Variants in RIGI observed in about 807,000 individuals in gnomAD.
RIGI encodes the protein RNA sensor RIG-I, also known as antiviral innate immune response receptor RIG-I.
At chr9:32,485,251 G>T in the RIGI span, 1 of 1,602,352 alleles carries the variant, frequency 6.2e-7, no homozygotes, top group Non-Finnish European at 8.5e-7. Context: ...TAAATTTGTC[G>T]CTAATCCGTG....
the RIGI span, chr9:32,467,809 A>G: frequency 6.2e-7 from 1 of 1,609,468 alleles, no homozygotes; most frequent in Non-Finnish European, 8.5e-7. Context: ...CTCATAAAGG[A>G]TGACAAGATT....
chr9:32,464,453 G>A, the RIGI span, among the ~76,000 whole-genome samples: 7 of 151,980 alleles, frequency 4.6e-5, no homozygotes, highest in African/African-American at 1.2e-4. Context: ...GCAGTGGCGC[G>A]ATCTCGGCTC....
At chr9:32,524,361 G>C in the RIGI span, among the ~76,000 whole-genome samples, 1 of 152,032 alleles carries the variant, frequency 6.6e-6, no homozygotes, top group Non-Finnish European at 1.5e-5. Context: ...TGAAAAAATG[G>C]AATTCACACC....
At chr9:32,485,532 T>A in the RIGI span, 10 of 85,710 alleles carry the variant, frequency 1.2e-4, no homozygotes, top group East Asian at 5.7e-4. Flanking sequence ...AACTAGCTTC[T>A]TTTTTTTTTT....
the RIGI span, among the ~76,000 whole-genome samples, chr9:32,509,942 C>T: frequency 6.6e-6 from 1 of 151,682 alleles, no homozygotes. Context: ...GTGAAGCATA[C>T]ACAACTATCA....
At chr9:32,469,111 G>T in the RIGI span, among the ~76,000 whole-genome samples, 1 of 152,150 alleles carries the variant, frequency 6.6e-6, no homozygotes. Context: ...TAACAAGGAA[G>T]GAGCCTGGGT....
the RIGI span, chr9:32,481,225 G>T: frequency 4.7e-6 from 5 of 1,057,214 alleles, no homozygotes; most frequent in Non-Finnish European, 6.8e-6. Flanking sequence ...TTCTGGAAAG[G>T]TTCCTAAGTG....
chr9:32,513,758 C>A, the RIGI span, among the ~76,000 whole-genome samples: 4 of 152,164 alleles, frequency 2.6e-5, no homozygotes, highest in Non-Finnish European at 5.9e-5. Context: ...AGCTTCTGCA[C>A]AGCTAAAGAA....
At chr9:32,523,193 C>T in the RIGI span, among the ~76,000 whole-genome samples, 1 of 152,182 alleles carries the variant, frequency 6.6e-6, no homozygotes, top group South Asian at 2.1e-4. Flanking sequence ...CTTGGCAAAA[C>T]TTGTTGTCTC....
the RIGI span, among the ~76,000 whole-genome samples, chr9:32,460,260 T>G: frequency 1.3e-5 from 2 of 152,228 alleles, no homozygotes; most frequent in African/African-American, 4.8e-5. Context: ...CAATCTCGGT[T>G]ATGTCTTTGT....
chr9:32,474,882 T>C, the RIGI span, among the ~76,000 whole-genome samples: 1 of 152,202 alleles, frequency 6.6e-6, no homozygotes, highest in African/African-American at 2.4e-5. Context: ...AGATATACTA[T>C]GGTCATGGAT....
the RIGI span, among the ~76,000 whole-genome samples, chr9:32,470,184 A>T: frequency 6.6e-6 from 1 of 152,226 alleles, no homozygotes; most frequent in Non-Finnish European, 1.5e-5. Flanking sequence ...CCAAAATCAA[A>T]CAAATGATGA....
chr9:32,482,933 T>C, the RIGI span, among the ~76,000 whole-genome samples: 13 of 152,008 alleles, frequency 8.6e-5, no homozygotes, highest in African/African-American at 2.9e-4. Context: ...GGGCCTCCTG[T>C]TCTCCAGAGC....
chr9:32,497,345 T>C, the RIGI span, among the ~76,000 whole-genome samples: 5 of 152,236 alleles, frequency 3.3e-5, no homozygotes, highest in Non-Finnish European at 7.3e-5. Flanking sequence ...GATTATTTGT[T>C]AATATATAGA....
At chr9:32,463,496 C>G in the RIGI span, among the ~76,000 whole-genome samples, 1 of 152,162 alleles carries the variant, frequency 6.6e-6, no homozygotes, top group Non-Finnish European at 1.5e-5. Context: ...TAAAAAAATT[C>G]ACTTATAATG....
the RIGI span, among the ~76,000 whole-genome samples, chr9:32,485,849 CT>C: frequency 6.6e-6 from 1 of 152,022 alleles, no homozygotes; most frequent in African/African-American, 2.4e-5. Flanking sequence ...TAACCAGCTT[CT>C]TACTGTGGCT....
chr9:32,525,907 C>G, the RIGI span, among the ~76,000 whole-genome samples: 5 of 150,258 alleles, frequency 3.3e-5, no homozygotes, highest in African/African-American at 1.3e-4. Context: ...TCCTCAAACT[C>G]TGGCAACCTC....
At chr9:32,480,225 A>G in the RIGI span, 8 of 1,594,364 alleles carry the variant, frequency 5.0e-6, no homozygotes, top group Admixed American at 1.7e-5. Flanking sequence ...TCACCTTCAA[A>G]TCTCTGAGTA....
chr9:32,467,230 T>C, the RIGI span, among the ~76,000 whole-genome samples: 1 of 151,850 alleles, frequency 6.6e-6, no homozygotes, highest in Non-Finnish European at 1.5e-5. Context: ...GTGTTGGATT[T>C]TGGAAACTCT....
Sources: allele counts gnomAD v4.1 joint callset (sites outside exome capture counted in the v4.1 genomes callset), GRCh38; gene constraint gnomAD v4.1.1; transcripts MANE v1.5; gene names NCBI Gene and HGNC (gene_info 2026-07-23, HGNC 2026-07-21).